ERICH6B: variants seen among roughly 807,000 people sequenced by gnomAD.
ERICH6B encodes the protein glutamate-rich protein 6B.
A neutral mutation model predicts 80.0 loss-of-function variants in ERICH6B; 69 were observed. That is an observed-to-expected ratio of 0.86 (90% CI 0.71 to 1.05). The LOEUF (loss-of-function observed/expected upper bound fraction) is 1.05, where lower values mean the gene tolerates loss of function less well. Among genes scored for constraint, ERICH6B ranks in the 50% least tolerant of loss-of-function variants. The pLI, the probability that ERICH6B is intolerant of heterozygous loss-of-function variation, is 0.00. For missense variants in ERICH6B, 754 were observed against 796.1 expected (o/e 0.95, Z 0.64); for synonymous variants, 283 against 291.9 (o/e 0.97, Z 0.31).
intron 11 of ERICH6B, among the ~76,000 whole-genome samples, chr13:45,557,670 C>A (rs894329694): frequency 1.3e-5 from 2 of 152,184 alleles, no homozygotes; most frequent in Non-Finnish European, 2.9e-5. Flanking sequence ...TATCCCAGCA[C>A]CATTTGTTGA....
intron 11 of ERICH6B, among the ~76,000 whole-genome samples, chr13:45,555,256 T>TTA (rs964329493): frequency 2.0e-5 from 3 of 152,120 alleles, no homozygotes; most frequent in African/African-American, 7.2e-5. Flanking sequence ...GCTGAAGACT[T>TTA]TATATGAGGG....
intron 3 of ERICH6B, among the ~76,000 whole-genome samples, chr13:45,591,465 A>G (rs1030060402): frequency 2.6e-5 from 4 of 152,180 alleles, no homozygotes; most frequent in South Asian, 4.2e-4. Context: ...ATGTAGTGGC[A>G]GGCGCCTGTA....
At chr13:45,591,535 G>A (rs1593322857) in intron 3 of ERICH6B, among the ~76,000 whole-genome samples, 3 of 152,190 alleles carry the variant, frequency 2.0e-5, no homozygotes, top group South Asian at 4.1e-4. Context: ...GGCGGAGCTT[G>A]CACTGAGCCA....
Position 45,596,939 on chromosome 13 carries a change from A to C in ERICH6B, c.67T>G (p.Ser23Ala). 6.4e-7 allele frequency: 1 copy of C among 1,551,696 alleles called. No homozygotes were observed. Residue 23 changes from serine to alanine, a missense_variant, in exon 3 of 15, where the codon TCC becomes GCC. By Grantham distance (99) the Ser-to-Ala change is moderately conservative. Coordinates refer to ENST00000298738, the MANE Select transcript of ERICH6B (RefSeq NM_182542.3). ...TTCTCTGAAGGCAAGTTCTGTGTGG[A>C]ATATTGGGGAGTTGTGGGAGGGTGA... ...PPHPPTTPQY[S>A]TQNLPSEKED...
chr13:45,607,362 T>C (rs1348037362), intron 2 of ERICH6B, among the ~76,000 whole-genome samples: 1 of 152,222 alleles, frequency 6.6e-6, no homozygotes, highest in Non-Finnish European at 1.5e-5. Flanking sequence ...GCCCTGTTCA[T>C]AATGAGAAAT....
intron 3 of ERICH6B, among the ~76,000 whole-genome samples, chr13:45,592,570 A>C (rs546690568): frequency 6.6e-6 from 1 of 152,364 alleles, no homozygotes; most frequent in East Asian, 1.9e-4. Flanking sequence ...AAAGAAAATA[A>C]AATTCGATGC....
chr13:45,558,428 T>C lies in ERICH6B; in HGVS notation c.1407+2941A>G, dbSNP rs1468388699. Among the ~76,000 whole-genome samples, 3 of 152,222 alleles carry C rather than the reference T, an allele frequency of 2.0e-5. No individual in the cohort carries two copies. The East Asian group carries it at 5.8e-4, about 29-fold the overall frequency. ...CTTCACCAATTTGGATGCCCTTTCT[T>C]TCTCTTGTCTGATTGCTTTGGCTAG... On this transcript the variant is annotated intron_variant, in intron 11 of 14. Coordinates refer to ENST00000298738, the MANE Select transcript of ERICH6B (RefSeq NM_182542.3).
At chr13:45,559,500 G>A (rs146137236) in intron 11 of ERICH6B, among the ~76,000 whole-genome samples, 6,872 of 151,762 alleles carry the variant, frequency 0.045, 228 homozygotes, top group South Asian at 0.12. Flanking sequence ...TTGTCTATTT[G>A]TGCTCTTTCA....
intron 2 of ERICH6B, among the ~76,000 whole-genome samples, chr13:45,599,494 C>T (rs918678360): frequency 1.3e-5 from 2 of 152,076 alleles, no homozygotes; most frequent in Admixed American, 6.5e-5. Flanking sequence ...AGCAAAACAG[C>T]GGGCTCTGTG....
intron 7 of ERICH6B, among the ~76,000 whole-genome samples, chr13:45,575,334 G>A (rs1025587215): frequency 6.6e-6 from 1 of 152,204 alleles, no homozygotes; most frequent in Non-Finnish European, 1.5e-5. Flanking sequence ...AGTGTGGGAG[G>A]GGCATGTTTG....
chr13:45,594,062 C>A (rs951039405), intron 3 of ERICH6B, among the ~76,000 whole-genome samples: 3 of 152,184 alleles, frequency 2.0e-5, no homozygotes, highest in Non-Finnish European at 4.4e-5. Flanking sequence ...TCTTGTTAGT[C>A]ACTGAGGTTC....
rs369629648 is a variant in ERICH6B, at chr13:45,591,777, C to T, written c.638-1080G>A. 4.7e-4 allele frequency among the ~76,000 whole-genome samples: 72 copies of T among 152,162 alleles called. 1 individual carries two copies. The highest frequency in any genetic ancestry group is 1.9e-3 in the East Asian group (10 of 5,178). On this transcript the variant is annotated intron_variant, in intron 3 of 14. Transcript: ENST00000298738. ...TCACTACCAAAAATGCAAACAATGG[C>T]GGCAGAGAGACAGAATACAAATCAC...
At chr13:45,571,749 G>A (rs757349871) in intron 8 of ERICH6B, among the ~76,000 whole-genome samples, 5 of 152,196 alleles carry the variant, frequency 3.3e-5, no homozygotes, top group Non-Finnish European at 7.3e-5. Context: ...AGGTCCTCAG[G>A]GTGGGCTCTA....
Position 45,558,864 on chromosome 13 carries a change from G to A in ERICH6B, c.1407+2505C>T, listed in dbSNP as rs548872434. Among the ~76,000 whole-genome samples the A allele has an allele frequency of 1.4e-3, 214 of 152,260 alleles. 3 individuals carry two copies. Among genetic ancestry groups the A allele is most frequent in the Non-Finnish European group, 2.0e-3 (133 of 68,026 alleles). ...TTTTGTTAAGGATTTTTACATCTATGTTCACCAGGGATATTGGTGTGTAGT... is the reference window on the plus strand; with the variant it reads ...TTTTGTTAAGGATTTTTACATCTATATTCACCAGGGATATTGGTGTGTAGT... On this transcript the variant is annotated intron_variant, in intron 11 of 14. Transcript: ENST00000298738.
At chr13:45,606,529 ATATATATATATATATATATTTTTTTTTTT>A (rs1949864298) in intron 2 of ERICH6B, among the ~76,000 whole-genome samples, 1 of 23,108 alleles carries the variant, frequency 4.3e-5, no homozygotes, top group Admixed American at 4.8e-4. Flanking sequence ...ATATATATAT[ATATATATATATATATATATTTTTTTTTTT>A]TTTTTTTTTT....
chr13:45,580,733 G>A, intron 5 of ERICH6B, 68 bp from the exon 6 acceptor site: 1 of 1,461,090 alleles, frequency 6.8e-7, no homozygotes, highest in Non-Finnish European at 9.3e-7. Flanking sequence ...GGTTCATACT[G>A]GGTATGTGGG....
intron 5 of ERICH6B, among the ~76,000 whole-genome samples, chr13:45,581,101 G>T (rs1875641687): frequency 6.6e-6 from 1 of 152,196 alleles, no homozygotes; most frequent in South Asian, 2.1e-4. Context: ...TGTCTGCTCT[G>T]TGGCCATGGG....
chr13:45,599,320 A>C (rs1236166757), intron 2 of ERICH6B, among the ~76,000 whole-genome samples: 3 of 152,042 alleles, frequency 2.0e-5, no homozygotes, highest in African/African-American at 7.3e-5. Flanking sequence ...GTAAAGGGGG[A>C]GCCTGTGCGT....
At chr13:45,544,379 C>G (rs977282057) in intron 14 of ERICH6B, among the ~76,000 whole-genome samples, 2 of 152,050 alleles carry the variant, frequency 1.3e-5, no homozygotes, top group African/African-American at 2.4e-5. Context: ...CTGGCCTACA[C>G]CCAGTTAATT....
Sources: gnomAD v4.1 joint callset for allele counts (sites outside exome capture counted in the v4.1 genomes callset) on GRCh38, gnomAD v4.1.1 for gene constraint, MANE v1.5 for transcripts, NCBI Gene and HGNC (gene_info 2026-07-23, HGNC 2026-07-21) for gene names.